The following PMP22 variants were observed in gnomAD, a reference collection of about 807,000 sequenced individuals.
PMP22 encodes peripheral myelin protein 22, also known as Charcot-Marie-Tooth neuropathy 1A (greatly reduced nerve conduction velocity, hereditary motor sensory neuropathy Ia).
PMP22 carries 2 observed loss-of-function variants against 18.9 expected under a neutral mutation model. The ratio of observed to expected loss-of-function variants is 0.11; its 90% CI spans 0.04 to 0.33. PMP22 has a LOEUF of 0.33. Ranked by LOEUF, PMP22 falls within the 10% of genes least tolerant of loss-of-function variation. PMP22 has a pLI of 1.00. For missense variants in PMP22, 169 were observed against 202.2 expected, an observed-to-expected ratio of 0.84 and a Z score of 1.00; for synonymous variants, 95 against 89.2, an observed-to-expected ratio of 1.07 and a Z score of -0.37.
chr17:15,258,948 T>G lies in PMP22; in HGVS notation c.178+146A>C. The G allele has an allele frequency of 1.4e-6, 1 of 707,854 alleles. No individual in the cohort carries two copies. The highest frequency in any genetic ancestry group is 2.7e-5 in the East Asian group (1 of 36,970). 43.8% of individuals were successfully genotyped at this position (707,854 alleles called of 1,614,324 possible). On this transcript the variant is annotated intron_variant, in intron 3 of 4. Coordinates refer to ENST00000312280, the MANE Select transcript of PMP22 (RefSeq NM_000304.4). This position sits in a 1 kb window ranked among gnomAD's most constrained non-coding sequence, Gnocchi z 4.1. ...AGATCACCACCCCTCCCATTTTCCC[T>G]GGACTCATGGCTCCCTGTCACATCC...
At chr17:15,243,341 G>C (rs1401560825) in intron 3 of PMP22, among the ~76,000 whole-genome samples, 2 of 152,004 alleles carry the variant, frequency 1.3e-5, no homozygotes, top group African/African-American at 4.8e-5. Context: ...TTATAAAGAT[G>C]CCAATTTCAT....
chr17:15,254,825 G>A (rs1407750533), intron 3 of PMP22, among the ~76,000 whole-genome samples: 1 of 152,210 alleles, frequency 6.6e-6, no homozygotes, highest in Admixed American at 6.5e-5. Context: ...CAAGCGTGGT[G>A]GCGCATGCCT....
intron 4 of PMP22, among the ~76,000 whole-genome samples, chr17:15,235,587 G>A (rs1286662384): frequency 1.3e-5 from 2 of 152,054 alleles, no homozygotes; most frequent in Admixed American, 6.6e-5. Context: ...TTATTTCTGG[G>A]AAAATATCCT....
chr17:15,259,822 A>G (rs1597634021), intron 2 of PMP22, among the ~76,000 whole-genome samples: 1 of 150,800 alleles, frequency 6.6e-6, no homozygotes, highest in Admixed American at 6.6e-5. Context: ...GGTGGCGGGC[A>G]CCTGTAATCC....
intron 1 of PMP22, among the ~76,000 whole-genome samples, chr17:15,264,729 G>C (rs1474037285): frequency 6.6e-6 from 1 of 152,136 alleles, no homozygotes; most frequent in Non-Finnish European, 1.5e-5. Context: ...CTCAATGGTG[G>C]CAGAGGAAGT....
chr17:15,241,161 T>C lies in PMP22; in HGVS notation c.179-1550A>G, dbSNP rs1156605429. Among the ~76,000 whole-genome samples, 6 of 151,930 alleles carry C rather than the reference T, an allele frequency of 3.9e-5. No homozygotes were observed. In the East Asian group the frequency reaches 9.7e-4, roughly 24 times the overall value. On this transcript the variant is annotated intron_variant, in intron 3 of 4. Transcript: ENST00000312280. ...GCACTCTTCACATTCAAGCACAACATATGCTTCTTTCATTTTTTCAATTTC... is the reference window on the plus strand; with the variant it reads ...GCACTCTTCACATTCAAGCACAACACATGCTTCTTTCATTTTTTCAATTTC...
Position 15,259,229 on chromosome 17 carries a change from G to A in PMP22, c.79-36C>T, listed in dbSNP as rs751202781. 23 of 1,524,264 alleles carry A rather than the reference G, an allele frequency of 1.5e-5. No homozygotes were observed. In the African/African-American group the frequency reaches 3.0e-4, roughly 20 times the overall value. 94.4% of individuals were successfully genotyped at this position (1,524,264 alleles called of 1,614,324 possible). A position where few individuals can be genotyped will look rare whatever the true frequency, so the allele number is the denominator to read the frequency against. ...TCAGATAGATATCCTGAGTCAGGGAGGGAGGGAGGAGTGAAGGAAAAGGGG... is the reference window on the plus strand; with the variant it reads ...TCAGATAGATATCCTGAGTCAGGGAAGGAGGGAGGAGTGAAGGAAAAGGGG... On this transcript the variant is annotated intron_variant, in intron 2 of 4. Transcript: ENST00000312280.
In PMP22 at chr17:15,261,345, T is replaced by G. The variant is rs1301238068; in HGVS notation, c.-34-584A>C. On this transcript the variant is annotated intron_variant, in intron 1 of 4. Coordinates refer to ENST00000312280, the MANE Select transcript of PMP22 (RefSeq NM_000304.4). This position sits in a 1 kb window ranked among gnomAD's most constrained non-coding sequence, Gnocchi z 5.2. Reference sequence around the variant, plus strand: ...TTGTCTCCAAGTTTCCACCCAACTCTGCCAGCGTAGAGGAACGGTCCTGGC... The same window carrying G: ...TTGTCTCCAAGTTTCCACCCAACTCGGCCAGCGTAGAGGAACGGTCCTGGC... The G allele has an allele frequency of 6.5e-6, 1 of 152,708 alleles. No individual in the cohort carries two copies. Among genetic ancestry groups the G allele is most frequent in the Non-Finnish European group, 1.5e-5 (1 of 68,480 alleles). 9.5% of individuals were successfully genotyped at this position (152,708 alleles called of 1,614,324 possible). A position where few individuals can be genotyped will look rare whatever the true frequency, so the allele number is the denominator to read the frequency against.
chr17:15,258,662 G>C lies in PMP22; in HGVS notation c.178+432C>G, dbSNP rs778386709. On this transcript the variant is annotated intron_variant, in intron 3 of 4. Coordinates refer to ENST00000312280, the MANE Select transcript of PMP22 (RefSeq NM_000304.4). The surrounding 1 kb of genome is among the most constrained non-coding windows in gnomAD (Gnocchi z 4.1). ...GTGTCCATGTAACTGACGGTGCAGT[G>C]AGCTAGCCCCACTGTCACTGCAGCA... The C allele has an allele frequency of 2.0e-5, 6 of 293,538 alleles. No individual in the cohort carries two copies. Among genetic ancestry groups the C allele is most frequent in the Non-Finnish European group, 4.0e-5 (6 of 149,340 alleles). The allele number at this position is 293,538 out of a possible 1,614,324, so 18.2% of individuals were successfully genotyped here. A position where few individuals can be genotyped will look rare whatever the true frequency, so the allele number is the denominator to read the frequency against.
chr17:15,252,396 T>TTGCTGCTGCTGCTGCTGC (rs111928632), intron 3 of PMP22, among the ~76,000 whole-genome samples: 1 of 150,980 alleles, frequency 6.6e-6, no homozygotes, highest in African/African-American at 2.4e-5. Flanking sequence ...GAGTTTGCTG[T>TTGCTGCTGCTGCTGCTGC]TGCTGCTGCT....
intron 3 of PMP22, among the ~76,000 whole-genome samples, chr17:15,255,843 G>A (rs1908773793): frequency 1.3e-5 from 2 of 152,128 alleles, no homozygotes; most frequent in African/African-American, 2.4e-5. Context: ...CTCAGACGCT[G>A]TCTGCCTGCC....
At chr17:15,259,950 AAAAAAGAAAAG>A (rs1407652413) in intron 2 of PMP22, among the ~76,000 whole-genome samples, 4 of 151,878 alleles carry the variant, frequency 2.6e-5, no homozygotes, top group South Asian at 2.1e-4. Context: ...AAAAAAAAAA[AAAAAAGAAAAG>A]AAAAGAAAAG....
intron 2 of PMP22, among the ~76,000 whole-genome samples, chr17:15,259,951 A>AAAAG (rs1402720376): frequency 4.6e-5 from 7 of 151,340 alleles, no homozygotes; most frequent in South Asian, 2.1e-4. Context: ...AAAAAAAAAA[A>AAAAG]AAAAGAAAAG....
In PMP22 at chr17:15,258,991, G is replaced by T; in HGVS notation, c.178+103C>A. ...TCACATCCCACCCCACCCCAGCAAC[G>T]ACATTCTGGCTTGTGTCTTCCAATA... On this transcript the variant is annotated intron_variant, in intron 3 of 4. Coordinates refer to ENST00000312280, the MANE Select transcript of PMP22 (RefSeq NM_000304.4). This position sits in a 1 kb window ranked among gnomAD's most constrained non-coding sequence, Gnocchi z 4.1. 1.2e-6 allele frequency: 1 copy of T among 868,074 alleles called. No individual in the cohort carries two copies. Among genetic ancestry groups the T allele is most frequent in the Non-Finnish European group, 1.9e-6 (1 of 522,124 alleles). 53.8% of individuals were successfully genotyped at this position (868,074 alleles called of 1,614,324 possible). A position where few individuals can be genotyped will look rare whatever the true frequency, so the allele number is the denominator to read the frequency against.
chr17:15,257,555 C>A (rs1038643793), intron 3 of PMP22, among the ~76,000 whole-genome samples: 5 of 152,226 alleles, frequency 3.3e-5, no homozygotes, highest in African/African-American at 1.2e-4. Context: ...AGACTCCCAT[C>A]CGGAGTGCTC....
chr17:15,237,391 G>A (rs1389648878), intron 4 of PMP22, among the ~76,000 whole-genome samples: 2 of 152,182 alleles, frequency 1.3e-5, no homozygotes, highest in Non-Finnish European at 2.9e-5. Flanking sequence ...GAAGGTACTG[G>A]CTATCCCAAG....
rs1479148902 is a variant in PMP22 at position 15,265,273 on chromosome 17, T to A, written c.-154A>T. ...AGACCCGCAGCCGACAGACTAAGCC[T>A]GCAGCTTCCAACCAGGCTCCCCGAG... On this transcript the variant is annotated 5_prime_UTR_variant, in exon 1 of 5. Transcript: ENST00000312280. 1 of 152,168 alleles carries A rather than the reference T, an allele frequency of 6.6e-6. No homozygotes were observed. The highest frequency in any genetic ancestry group is 1.5e-5 in the Non-Finnish European group (1 of 68,048). The allele number at this position is 152,168 out of a possible 1,614,324, so 9.4% of individuals were successfully genotyped here.
chr17:15,232,131 C>T (rs1276962790), intron 4 of PMP22, among the ~76,000 whole-genome samples: 1 of 152,026 alleles, frequency 6.6e-6, no homozygotes, highest in Non-Finnish European at 1.5e-5. Flanking sequence ...CACCCGCGCC[C>T]CCCCACCGCC....
At chr17:15,231,211 G>T in intron 4 of PMP22, 131 bp from the exon 5 acceptor site, 1 of 913,256 alleles carries the variant, frequency 1.1e-6, no homozygotes, top group Non-Finnish European at 1.7e-6. Context: ...TCTGCTTCCA[G>T]GTCCAGAATT....
Sources: allele counts gnomAD v4.1 joint callset (sites outside exome capture counted in the v4.1 genomes callset), GRCh38; gene constraint gnomAD v4.1.1; non-coding constraint Gnocchi (gnomAD v3.1); transcripts MANE v1.5; gene names NCBI Gene and HGNC (gene_info 2026-07-23, HGNC 2026-07-21).